Variants in SYCP2 observed in about 807,000 individuals in gnomAD.
The protein encoded by SYCP2 is synaptonemal complex lateral element protein.
Under a neutral mutation model 211.3 loss-of-function variants are expected in SYCP2, and 55 were observed. That is an observed-to-expected ratio of 0.26 (90% CI 0.21 to 0.33). The LOEUF (loss-of-function observed/expected upper bound fraction) is 0.33. SYCP2 is among the 10% of genes least tolerant of loss of function. The pLI, the probability that SYCP2 is intolerant of heterozygous loss-of-function variation, is 1.00. For synonymous variants in SYCP2, 570 were observed against 555.2 expected (o/e 1.03, Z -0.37); for missense variants, 1,731 against 1,752.0 (o/e 0.99, Z 0.21).
intron 39 of SYCP2, among the ~76,000 whole-genome samples, chr20:59,867,105 C>CGGGGGGG (rs373444865): frequency 4.6e-3 from 16 of 3,454 alleles, no homozygotes; most frequent in Admixed American, 9.6e-3. Flanking sequence ...AGACTGGGGG[C>CGGGGGGG]GGGGGGGGGG....
In SYCP2 at chr20:59,920,309, T is replaced by A. The variant is rs759369981; in HGVS notation, c.297+50A>T. On this transcript the variant is annotated intron_variant, in intron 5 of 44. Coordinates refer to ENST00000357552, the MANE Select transcript of SYCP2 (RefSeq NM_014258.4). Reference sequence around the variant, plus strand: ...GGATAATTTCTTACTAGAAAGCATATCTTTTATAATATTTCATTCACATGA... The same window carrying A: ...GGATAATTTCTTACTAGAAAGCATAACTTTTATAATATTTCATTCACATGA... The A allele has an allele frequency of 4.2e-6, 6 of 1,427,568 alleles. No individual in the cohort carries two copies. In the South Asian group the frequency reaches 8.1e-5, roughly 19 times the overall value. The allele number at this position is 1,427,568 out of a possible 1,614,324, so 88.4% of individuals were successfully genotyped here. A position where few individuals can be genotyped will look rare whatever the true frequency, so the allele number is the denominator to read the frequency against.
chr20:59,882,758 T>TTCTAC (rs2059710662), intron 26 of SYCP2, among the ~76,000 whole-genome samples: 1 of 151,714 alleles, frequency 6.6e-6, no homozygotes, highest in South Asian at 2.1e-4. Context: ...CGTAGAACGG[T>TTCTAC]GATTATCAGA....
chr20:59,873,865 T>A lies in SYCP2; in HGVS notation c.3546A>T (p.Pro1182=). Residue 1182 remains proline, a synonymous_variant, in exon 35 of 45, where the codon CCA becomes CCT. Coordinates refer to ENST00000357552, the MANE Select transcript of SYCP2 (RefSeq NM_014258.4). ...ASESCSPIPR[P]LFLPRHTPTK... ...ATATATACATTCTCACCAAAAACAG[T>A]GGTCGTGGAATTGGTGAACAACTTT... 1 of 1,607,420 alleles carries A rather than the reference T, an allele frequency of 6.2e-7. No homozygotes were observed. The highest frequency in any genetic ancestry group is 8.5e-7 in the Non-Finnish European group (1 of 1,177,858).
chr20:59,924,869 C>A lies in SYCP2; in HGVS notation c.-46-2410G>T, dbSNP rs373595175. ...CTATACACATGACTTGACTTATGAT[C>A]AAGGTAGAACATAAAGCAGTAAGGA... On this transcript the variant is annotated intron_variant, in intron 2 of 44. Transcript: ENST00000357552. 1.7e-4 allele frequency among the ~76,000 whole-genome samples: 26 copies of A among 151,982 alleles called. 1 individual carries two copies. The East Asian group carries it at 4.3e-3, about 25-fold the overall frequency.
intron 15 of SYCP2, among the ~76,000 whole-genome samples, chr20:59,902,932 T>A (rs1357165298): frequency 2.6e-5 from 4 of 152,250 alleles, no homozygotes; most frequent in African/African-American, 9.6e-5. Context: ...TTGTAATTCT[T>A]AGGTCTATTG....
In SYCP2 at chr20:59,886,404, T is replaced by C. The variant is rs1214926794; in HGVS notation, c.2492+303A>G. ...TAAGCAATGTATTTAAATATATTTA[T>C]TCATTATTAGATTCAGTAAGTACAA... On this transcript the variant is annotated intron_variant, in intron 25 of 44. Coordinates refer to ENST00000357552, the MANE Select transcript of SYCP2 (RefSeq NM_014258.4). Among the ~76,000 whole-genome samples, 9 of 152,148 alleles carry C rather than the reference T, an allele frequency of 5.9e-5. No homozygotes were observed. In the South Asian group the frequency reaches 1.9e-3, roughly 32 times the overall value.
At chr20:59,868,590 T>C in intron 37 of SYCP2, 22 bp from the exon 38 acceptor site, 2 of 1,553,140 alleles carry the variant, frequency 1.3e-6, no homozygotes, top group East Asian at 4.6e-5. Flanking sequence ...TTAAAGAAAG[T>C]TAAAAGCGCT....
At chr20:59,890,944 GA>G (rs1308793906) in intron 24 of SYCP2, among the ~76,000 whole-genome samples, 1 of 151,444 alleles carries the variant, frequency 6.6e-6, no homozygotes, top group Non-Finnish European at 1.5e-5. Flanking sequence ...TAGGACCCAA[GA>G]AAAAAAGGGA....
intron 2 of SYCP2, among the ~76,000 whole-genome samples, chr20:59,927,196 C>G (rs2060649049): frequency 6.6e-6 from 1 of 151,922 alleles, no homozygotes; most frequent in Non-Finnish European, 1.5e-5. Flanking sequence ...AATTCAGAAG[C>G]ACAAAAAAAG....
At chr20:59,868,747 A>G in intron 37 of SYCP2, 88 bp downstream of exon 37, 5 of 1,304,554 alleles carry the variant, frequency 3.8e-6, no homozygotes, top group Non-Finnish European at 5.3e-6. Context: ...GAATAACGGT[A>G]TGACTTAAAA....
intron 24 of SYCP2, among the ~76,000 whole-genome samples, chr20:59,890,892 GAAGTA>G (rs1755495748): frequency 6.6e-6 from 1 of 151,778 alleles, no homozygotes; most frequent in Admixed American, 6.6e-5. Flanking sequence ...GGGACTGAGG[GAAGTA>G]AATAGCAGCT....
intron 44 of SYCP2, 146 bp from the exon 45 acceptor site, chr20:59,864,534 T>C (rs2059292156): frequency 3.4e-6 from 2 of 590,500 alleles, no homozygotes; most frequent in Non-Finnish European, 6.0e-6. Context: ...TTCTAACAGG[T>C]CTACAGATAT....
chr20:59,906,123 T>C (rs968105506), intron 15 of SYCP2, among the ~76,000 whole-genome samples: 2 of 152,172 alleles, frequency 1.3e-5, no homozygotes, highest in African/African-American at 4.8e-5. Flanking sequence ...AAACTAGTTA[T>C]GACTGTTAAC....
intron 2 of SYCP2, among the ~76,000 whole-genome samples, chr20:59,924,368 A>G (rs146221526): frequency 1.5e-4 from 23 of 152,058 alleles, no homozygotes; most frequent in African/African-American, 5.3e-4. Flanking sequence ...CATGTAAAAC[A>G]TGTATTAAAG....
intron 14 of SYCP2, among the ~76,000 whole-genome samples, chr20:59,910,177 T>C (rs947299898): frequency 6.6e-6 from 1 of 151,984 alleles, no homozygotes; most frequent in Non-Finnish European, 1.5e-5. Context: ...AGAATGGCTT[T>C]TATGGAGAAC....
At chr20:59,921,998 C>T (rs1280063407) in intron 3 of SYCP2, among the ~76,000 whole-genome samples, 1 of 151,552 alleles carries the variant, frequency 6.6e-6, no homozygotes, top group Non-Finnish European at 1.5e-5. Flanking sequence ...ATACTACAAC[C>T]TGATCACTAA....
intron 35 of SYCP2, 114 bp downstream of exon 35, chr20:59,873,742 C>T: frequency 1.1e-6 from 1 of 935,364 alleles, no homozygotes; most frequent in Non-Finnish European, 1.6e-6. Context: ...GACCCTAGAC[C>T]AAACCCAAAA....
intron 26 of SYCP2, among the ~76,000 whole-genome samples, chr20:59,883,116 A>T (rs2059716971): frequency 6.6e-6 from 1 of 152,164 alleles, no homozygotes; most frequent in African/African-American, 2.4e-5. Context: ...TGGGAGGCCA[A>T]GGTGGGTGGG....
At chr20:59,901,887 G>A (rs77773857) in intron 15 of SYCP2, 77 bp from the exon 16 acceptor site, 15,578 of 1,154,396 alleles carry the variant, frequency 0.013, 138 homozygotes, top group Non-Finnish European at 0.016. Context: ...AGACATGGAT[G>A]TAGCAGATTA....
Sources: allele counts gnomAD v4.1 joint callset (sites outside exome capture counted in the v4.1 genomes callset), GRCh38; gene constraint gnomAD v4.1.1; transcripts MANE v1.5; gene names NCBI Gene and HGNC (gene_info 2026-07-23, HGNC 2026-07-21).